ARMH4: variants seen among roughly 807,000 people sequenced by gnomAD.
ARMH4 encodes armadillo-like helical domain-containing protein 4.
In ARMH4, 49 loss-of-function variants were observed where a neutral mutation model predicts 61.9. The ratio of observed to expected loss-of-function variants is 0.79; its 90% confidence interval spans 0.63 to 1.00. ARMH4 has a LOEUF of 1.00. Ranked by LOEUF, ARMH4 falls within the 50% of genes least tolerant of loss-of-function variation. ARMH4 has a pLI of 0.00. For synonymous variants in ARMH4, 368 were observed against 341.5 expected (o/e 1.08, Z -0.85); for missense variants, 934 against 930.0 (o/e 1.00, Z -0.06).
At chr14:58,054,599 T>A (rs921670150) in intron 5 of ARMH4, among the ~76,000 whole-genome samples, 2 of 151,992 alleles carry the variant, frequency 1.3e-5, no homozygotes, top group South Asian at 4.2e-4. Flanking sequence ...AATTTGGATA[T>A]AAAATATAAT....
At chr14:58,136,809 T>C (rs535820615) in intron 2 of ARMH4, among the ~76,000 whole-genome samples, 21 of 152,296 alleles carry the variant, frequency 1.4e-4, no homozygotes, top group Middle Eastern at 3.4e-3. Flanking sequence ...TTCCAGCTTA[T>C]AATATTCACG....
At chr14:58,077,892 A>T (rs1792683600) in intron 5 of ARMH4, among the ~76,000 whole-genome samples, 1 of 152,202 alleles carries the variant, frequency 6.6e-6, no homozygotes, top group African/African-American at 2.4e-5. Flanking sequence ...TCATCAGGTT[A>T]ATTTGTAGCT....
intron 5 of ARMH4, among the ~76,000 whole-genome samples, chr14:58,032,680 G>A (rs1883293188): frequency 6.6e-6 from 1 of 151,878 alleles, no homozygotes; most frequent in Non-Finnish European, 1.5e-5. Flanking sequence ...AGTGGGCGCA[G>A]GCCAGTGTGT....
chr14:58,104,855 A>G (rs915006933), intron 4 of ARMH4, among the ~76,000 whole-genome samples: 1 of 152,228 alleles, frequency 6.6e-6, no homozygotes, highest in African/African-American at 2.4e-5. Context: ...AAATGTATAA[A>G]CAATGAGATA....
chr14:58,131,839 TTTGGCAC>T (rs1887120329), intron 3 of ARMH4, 118 bp from the exon 4 acceptor site: 1 of 922,308 alleles, frequency 1.1e-6, no homozygotes, highest in East Asian at 2.4e-5. Flanking sequence ...ATACAGCAAG[TTTGGCAC>T]TTGGGTCAGC....
chr14:58,078,364 T>A (rs568052245), intron 5 of ARMH4, among the ~76,000 whole-genome samples: 209 of 152,340 alleles, frequency 1.4e-3, no homozygotes, highest in Non-Finnish European at 2.3e-3. Flanking sequence ...TCTCATCCAA[T>A]GCATTCCTCT....
At chr14:58,008,416 A>G (rs1210504108) in intron 6 of ARMH4, among the ~76,000 whole-genome samples, 1 of 152,226 alleles carries the variant, frequency 6.6e-6, no homozygotes, top group African/African-American at 2.4e-5. Context: ...TAAATTTTAA[A>G]GTAAATTATA....
chr14:58,007,412 A>C (rs1027330198), intron 6 of ARMH4, among the ~76,000 whole-genome samples: 1 of 152,220 alleles, frequency 6.6e-6, no homozygotes. Context: ...GTTTTAAAGT[A>C]TACTTTCATT....
intron 5 of ARMH4, among the ~76,000 whole-genome samples, chr14:58,055,803 T>C (rs558772659): frequency 6.6e-6 from 1 of 152,378 alleles, no homozygotes; most frequent in Non-Finnish European, 1.5e-5. Flanking sequence ...ACAAACTTGA[T>C]GGAGGCTGAC....
At chr14:58,005,652 C>T (rs1555334233) in intron 6 of ARMH4, among the ~76,000 whole-genome samples, 1 of 152,098 alleles carries the variant, frequency 6.6e-6, no homozygotes, top group Non-Finnish European at 1.5e-5. Flanking sequence ...AGTGGTGGTC[C>T]TCTCTTCTCC....
Position 58,040,284 on chromosome 14 carries a change from C to A in ARMH4, c.2090-28134G>T, listed in dbSNP as rs138886946. On this transcript the variant is annotated intron_variant, in intron 5 of 7. Coordinates refer to ENST00000267485, the MANE Select transcript of ARMH4 (RefSeq NM_001001872.4). ...TCAGGTATTAAACTTAGTACCCAGT[C>A]GTTGTTTGTTCTAAACCTCTCCCTC... Among the ~76,000 whole-genome samples the A allele has an allele frequency of 9.8e-4, 149 of 152,142 alleles. 1 individual carries two copies. The highest frequency in any genetic ancestry group is 3.1e-3 in the African/African-American group (129 of 41,508).
intron 5 of ARMH4, among the ~76,000 whole-genome samples, chr14:58,051,730 G>C (rs886439314): frequency 1.3e-5 from 2 of 151,962 alleles, no homozygotes; most frequent in African/African-American, 4.8e-5. Context: ...TCTTCAAATT[G>C]AACGGTCTTA....
At chr14:58,047,160 C>T (rs1409390704) in intron 5 of ARMH4, among the ~76,000 whole-genome samples, 2 of 152,246 alleles carry the variant, frequency 1.3e-5, no homozygotes, top group South Asian at 2.1e-4. Context: ...ATAATACGAC[C>T]GTAAACACAA....
rs117471088 is a variant in ARMH4, at chr14:58,148,508, A to T, written c.-57+3567T>A. Among the ~76,000 whole-genome samples, 911 of 152,256 alleles carry T rather than the reference A, an allele frequency of 6.0e-3. 5 individuals carry two copies. The highest frequency in any genetic ancestry group is 0.023 in the East Asian group (119 of 5,182). On this transcript the variant is annotated intron_variant, in intron 1 of 7. Coordinates refer to ENST00000267485, the MANE Select transcript of ARMH4 (RefSeq NM_001001872.4). ...TGTCATTTAAGTCTCAGCACCTCAAATGAGATTATGTTCTTTGCATACAAA... is the reference window on the plus strand; with the variant it reads ...TGTCATTTAAGTCTCAGCACCTCAATTGAGATTATGTTCTTTGCATACAAA...
chr14:58,030,902 T>C (rs1360023008), intron 5 of ARMH4, among the ~76,000 whole-genome samples: 1 of 152,226 alleles, frequency 6.6e-6, no homozygotes, highest in Admixed American at 6.5e-5. Flanking sequence ...TACCTCCACA[T>C]TGCAGCTACC....
At chr14:58,065,527 A>C (rs1483765292) in intron 5 of ARMH4, among the ~76,000 whole-genome samples, 1 of 152,264 alleles carries the variant, frequency 6.6e-6, no homozygotes, top group Non-Finnish European at 1.5e-5. Context: ...CACTGTCCTT[A>C]AGAATGAGCC....
chr14:58,074,451 GTTCTT>G (rs1884980065), intron 5 of ARMH4, among the ~76,000 whole-genome samples: 1 of 148,866 alleles, frequency 6.7e-6, no homozygotes, highest in Non-Finnish European at 1.5e-5. Flanking sequence ...ATGCAACACA[GTTCTT>G]TTTTTTTTTT....
At chr14:58,021,487 G>T (rs894517711) in intron 5 of ARMH4, among the ~76,000 whole-genome samples, 4 of 152,166 alleles carry the variant, frequency 2.6e-5, no homozygotes, top group African/African-American at 9.7e-5. Context: ...TTTGTAAGTT[G>T]CACTGTCTCA....
At chr14:58,064,221 A>T (rs1010377060) in intron 5 of ARMH4, among the ~76,000 whole-genome samples, 3 of 149,918 alleles carry the variant, frequency 2.0e-5, no homozygotes, top group Admixed American at 2.0e-4. Context: ...GAATAGCTTA[A>T]CATAGGATCC....
Sources: gnomAD v4.1 joint callset for allele counts (sites outside exome capture counted in the v4.1 genomes callset) on GRCh38, gnomAD v4.1.1 for gene constraint, MANE v1.5 for transcripts, NCBI Gene and HGNC (gene_info 2026-07-23, HGNC 2026-07-21) for gene names.